SYN3: variants seen among roughly 807,000 people sequenced by gnomAD.
SYN3 encodes the protein synapsin-3.
A neutral mutation model predicts 65.8 loss-of-function variants in SYN3; 35 were observed. That is an observed-to-expected ratio of 0.53 (90% CI 0.41 to 0.70). SYN3 has a LOEUF of 0.70. Among genes scored for constraint, SYN3 ranks in the 30% least tolerant of loss-of-function variants. The probability of loss-of-function intolerance (pLI) is 0.00; values close to 1 mark genes in which losing one functional copy is unlikely to be tolerated. For missense variants in SYN3, 680 were observed against 749.0 expected (o/e 0.91, Z 1.08); for synonymous variants, 270 against 292.9 (o/e 0.92, Z 0.80).
intron 4 of SYN3, among the ~76,000 whole-genome samples, chr22:32,884,061 A>G (rs990731003): frequency 4.6e-5 from 7 of 152,178 alleles, no homozygotes; most frequent in Non-Finnish European, 1.0e-4. Context: ...GCTAGGTGGG[A>G]CTTCATATAC....
intron 6 of SYN3, among the ~76,000 whole-genome samples, chr22:32,701,148 A>C (rs545702221): frequency 3.3e-5 from 5 of 152,346 alleles, no homozygotes; most frequent in South Asian, 2.1e-4. Context: ...TGTTCTCTGC[A>C]GAGTAATAAT....
rs1160469527 is a variant in SYN3, at chr22:32,964,670, AC to A, written c.369+15974del. Among the ~76,000 whole-genome samples the A allele has an allele frequency of 2.0e-5, 3 of 152,274 alleles. No homozygotes were observed. The East Asian group carries it at 5.8e-4, about 29-fold the overall frequency. On this transcript the variant is annotated intron_variant, in intron 3 of 13. Coordinates refer to ENST00000358763, the MANE Select transcript of SYN3 (RefSeq NM_003490.4). ...TCATCTGAATAATAATGAGCCTTAC[AC>A]CTCAGGAGTTGCTGAAGGACGAAAT...
At chr22:32,639,113 C>A (rs1056100539) in intron 6 of SYN3, among the ~76,000 whole-genome samples, 2 of 152,114 alleles carry the variant, frequency 1.3e-5, no homozygotes, top group African/African-American at 2.4e-5. Flanking sequence ...GCCACCACCC[C>A]GGCTAATTTT....
At chr22:33,013,617 A>C (rs554419203) in intron 1 of SYN3, among the ~76,000 whole-genome samples, 6 of 152,198 alleles carry the variant, frequency 3.9e-5, no homozygotes, top group Admixed American at 3.9e-4. Context: ...ATTATTTATA[A>C]TGCATTATAG....
rs374232055 is a variant in SYN3, at chr22:32,873,737, T to C, written c.462-4612A>G. Reference sequence around the variant, plus strand: ...ACTGAAGTAATATAAGCTGGGCTGATGGGAGACCATTTTCCTGTTACATGA... The same window carrying C: ...ACTGAAGTAATATAAGCTGGGCTGACGGGAGACCATTTTCCTGTTACATGA... On this transcript the variant is annotated intron_variant, in intron 4 of 13. Coordinates refer to ENST00000358763, the MANE Select transcript of SYN3 (RefSeq NM_003490.4). Among the ~76,000 whole-genome samples, 5 of 152,168 alleles carry C rather than the reference T, an allele frequency of 3.3e-5. No individual in the cohort carries two copies. In the East Asian group the frequency reaches 7.7e-4, roughly 23 times the overall value.
intron 4 of SYN3, among the ~76,000 whole-genome samples, chr22:32,879,611 C>T (rs993249658): frequency 6.6e-5 from 10 of 152,196 alleles, no homozygotes; most frequent in Admixed American, 2.0e-4. Flanking sequence ...TAATCACTTC[C>T]CAAAGACTTC....
At chr22:32,873,389 G>A (rs1344488124) in intron 4 of SYN3, among the ~76,000 whole-genome samples, 1 of 152,154 alleles carries the variant, frequency 6.6e-6, no homozygotes, top group Non-Finnish European at 1.5e-5. Flanking sequence ...AGTGTGTGCT[G>A]GAAGCCTTGG....
At chr22:32,935,055 C>G (rs985679490) in intron 3 of SYN3, among the ~76,000 whole-genome samples, 4 of 152,070 alleles carry the variant, frequency 2.6e-5, no homozygotes, top group Non-Finnish European at 4.4e-5. Context: ...ATTTTGGCCT[C>G]CAGAACTGGA....
chr22:32,959,011 G>T (rs2051556353), intron 3 of SYN3, among the ~76,000 whole-genome samples: 1 of 151,960 alleles, frequency 6.6e-6, no homozygotes, highest in Non-Finnish European at 1.5e-5. Context: ...TGGCCAACAT[G>T]GTGAAACCCC....
At chr22:32,595,259 T>C (rs1353593819) in intron 7 of SYN3, among the ~76,000 whole-genome samples, 2 of 152,120 alleles carry the variant, frequency 1.3e-5, no homozygotes, top group Non-Finnish European at 2.9e-5. Flanking sequence ...ATGGTGAGCT[T>C]AGGGACCAGG....
rs117796702 is a variant in SYN3 at position 32,791,304 on chromosome 22, G to A, written c.711+73611C>T. ...TTCGCTTTATAGGGATTCAATTTAC[G>A]CTTAGAGAGCAATGCAGGAGGCTGG... On this transcript the variant is annotated intron_variant, in intron 6 of 13. Transcript: ENST00000358763. Among the ~76,000 whole-genome samples, 73 of 152,270 alleles carry A rather than the reference G, an allele frequency of 4.8e-4. No homozygotes were observed. The East Asian group carries it at 0.011, about 23-fold the overall frequency.
chr22:32,621,875 A>T (rs2059599943), intron 6 of SYN3, among the ~76,000 whole-genome samples: 1 of 152,116 alleles, frequency 6.6e-6, no homozygotes, highest in African/African-American at 2.4e-5. Context: ...GTGGAAGAGC[A>T]GGCCTCCTGA....
intron 1 of SYN3, among the ~76,000 whole-genome samples, chr22:33,051,474 TCTTGAGGCACA>T (rs1310882963): frequency 6.6e-6 from 1 of 152,098 alleles, no homozygotes; most frequent in Non-Finnish European, 1.5e-5. Flanking sequence ...TCAGTTTACA[TCTTGAGGCACA>T]CATGCCTACA....
chr22:32,637,382 A>G (rs1406433489), intron 6 of SYN3, among the ~76,000 whole-genome samples: 1 of 152,136 alleles, frequency 6.6e-6, no homozygotes, highest in Admixed American at 6.5e-5. Context: ...AATGTGTTTA[A>G]AGTCTGCCGA....
Position 32,931,333 on chromosome 22 carries a change from C to T in SYN3, c.461+57G>A. 2.5e-6 allele frequency: 3 copies of T among 1,181,588 alleles called. No individual in the cohort carries two copies. The South Asian group carries it at 3.7e-5, about 14-fold the overall frequency. 73.2% of individuals were successfully genotyped at this position (1,181,588 alleles called of 1,614,324 possible). On this transcript the variant is annotated intron_variant, in intron 4 of 13. Transcript: ENST00000358763. Reference sequence around the variant, plus strand: ...AGGAAGTGGACGGAGGGGTGGGCTACATGAGGTTCCACGTATGCAATTCTC... The same window carrying T: ...AGGAAGTGGACGGAGGGGTGGGCTATATGAGGTTCCACGTATGCAATTCTC...
At chr22:32,897,258 C>T (rs2049620340) in intron 4 of SYN3, among the ~76,000 whole-genome samples, 1 of 152,146 alleles carries the variant, frequency 6.6e-6, no homozygotes, top group Non-Finnish European at 1.5e-5. Context: ...GTCTCAGATT[C>T]TGGAAGCATG....
chr22:32,814,313 G>GACAGAAAA (rs774703088), intron 6 of SYN3, among the ~76,000 whole-genome samples: 1,323 of 39,652 alleles, frequency 0.033, 39 homozygotes, highest in African/African-American at 0.18. Flanking sequence ...GAGAGAGAGA[G>GACAGAAAA]AGACAGAAAG....
chr22:32,840,557 G>A (rs4504), intron 6 of SYN3, among the ~76,000 whole-genome samples: 27,427 of 151,864 alleles, frequency 0.18, 2,969 homozygotes, highest in East Asian at 0.33. Flanking sequence ...TCATCTTCCT[G>A]GAAAGGCGGG....
At chr22:32,972,496 G>A (rs562141044) in intron 3 of SYN3, among the ~76,000 whole-genome samples, 2 of 152,246 alleles carry the variant, frequency 1.3e-5, no homozygotes, top group African/African-American at 4.8e-5. Context: ...CCTGCACTAT[G>A]GGAGCTGAAA....
Sources: allele counts gnomAD v4.1 joint callset (sites outside exome capture counted in the v4.1 genomes callset), GRCh38; gene constraint gnomAD v4.1.1; transcripts MANE v1.5; gene names NCBI Gene and HGNC (gene_info 2026-07-23, HGNC 2026-07-21).